The following EFHC2 variants were observed in gnomAD, a reference collection of about 807,000 sequenced individuals.
EFHC2 encodes EF-hand domain-containing family member C2.
EFHC2 carries 18 observed loss-of-function variants against 52.7 expected under a neutral mutation model. The observed-to-expected ratio is 0.34, with a 90% CI of 0.24 to 0.51. The LOEUF is 0.51. Ranked by LOEUF, EFHC2 falls within the 20% of genes least tolerant of loss-of-function variation. EFHC2 has a pLI of 0.97. For synonymous variants in EFHC2, 203 were observed against 204.1 expected (o/e 0.99, Z 0.04); for missense variants, 513 against 562.5 (o/e 0.91, Z 0.89).
At chrX:44,205,195 A>G (rs2037038749) in intron 11 of EFHC2, among the ~76,000 whole-genome samples, 1 of 111,520 alleles carries the variant, frequency 9.0e-6, no homozygotes, top group South Asian at 3.8e-4. Flanking sequence ...AGAAATATTT[A>G]AAGGAGTTCT....
intron 2 of EFHC2, among the ~76,000 whole-genome samples, chrX:44,305,840 T>C (rs1602208607): frequency 8.9e-6 from 1 of 112,357 alleles, no homozygotes; most frequent in African/African-American, 3.2e-5. Flanking sequence ...CTAGGAATTA[T>C]GTCCTAGTGT....
chrX:44,261,217 C>G lies in EFHC2; in HGVS notation c.464G>C (p.Gly155Ala), dbSNP rs1483091244. 8 of 1,209,681 alleles carry G rather than the reference C, an allele frequency of 6.6e-6. No individual in the cohort carries two copies. Among genetic ancestry groups the G allele is most frequent in the Non-Finnish European group, 7.8e-6 (7 of 895,050 alleles). The change falls in exon 4 of 15, where the codon GGC (glycine) becomes GCC (alanine). Residue 155 changes from glycine to alanine, a missense_variant. Coordinates refer to ENST00000420999, the MANE Select transcript of EFHC2 (RefSeq NM_025184.4). ...QFYTVYHFNV[G>A]TEVVFYGRTF... Reference sequence around the variant, plus strand: ...CCGGCCATAGAAGACAACCTCTGTGCCGACATTAAAATGATACACAGTATA... The same window carrying G: ...CCGGCCATAGAAGACAACCTCTGTGGCGACATTAAAATGATACACAGTATA...
chrX:44,236,023 T>C (rs974495643), intron 8 of EFHC2, among the ~76,000 whole-genome samples: 1 of 111,792 alleles, frequency 8.9e-6, no homozygotes, highest in African/African-American at 3.3e-5. Flanking sequence ...ACCCACCTTT[T>C]TTTTTTTTTA....
chrX:44,301,197 C>T (rs1213523510), intron 2 of EFHC2, among the ~76,000 whole-genome samples: 1 of 109,786 alleles, frequency 9.1e-6, no homozygotes, highest in East Asian at 2.9e-4. Flanking sequence ...TGGCACCACC[C>T]AGATTGACAA....
intron 14 of EFHC2, among the ~76,000 whole-genome samples, chrX:44,156,030 G>T (rs1446013360): frequency 8.9e-6 from 1 of 112,390 alleles, no homozygotes; most frequent in African/African-American, 3.2e-5. Flanking sequence ...TGTCATCTAT[G>T]TGTGAGTTGT....
intron 6 of EFHC2, 85 bp downstream of exon 6, chrX:44,248,718 A>G (rs2037419392): frequency 1.4e-6 from 1 of 736,281 alleles, no homozygotes; most frequent in East Asian, 3.4e-5. Context: ...ACAATCTCAC[A>G]AGAGAAGAGT....
intron 11 of EFHC2, among the ~76,000 whole-genome samples, chrX:44,190,622 T>G (rs1036383012): frequency 9.0e-6 from 1 of 111,320 alleles, no homozygotes; most frequent in African/African-American, 3.3e-5. Flanking sequence ...GCTTCTTGTC[T>G]TTTGCAATAC....
chrX:44,188,195 G>C (rs899144065), intron 11 of EFHC2, among the ~76,000 whole-genome samples: 1 of 108,001 alleles, frequency 9.3e-6, no homozygotes, highest in Non-Finnish European at 1.9e-5. Context: ...TTTTGCCCAG[G>C]CTGGTTTCAA....
intron 14 of EFHC2, among the ~76,000 whole-genome samples, chrX:44,151,817 G>GA (rs1453198090): frequency 9.0e-6 from 1 of 111,596 alleles, no homozygotes; most frequent in Non-Finnish European, 1.9e-5. Context: ...GGCTCAGAGG[G>GA]AAATTCTAAG....
chrX:44,316,113 C>A (rs1239476959), intron 1 of EFHC2, among the ~76,000 whole-genome samples: 1 of 111,703 alleles, frequency 9.0e-6, no homozygotes, highest in South Asian at 3.8e-4. Flanking sequence ...AAAGCCCTTG[C>A]CACCGTTGAA....
Position 44,259,372 on chromosome X carries a change from G to C in EFHC2, c.606+1703C>G, listed in dbSNP as rs972486194. Among the ~76,000 whole-genome samples, 16 of 107,022 alleles carry C rather than the reference G, an allele frequency of 1.5e-4. No homozygotes were observed. The Admixed American group carries it at 1.5e-3, about 10-fold the overall frequency. The allele number at this position is 107,022 out of a possible 115,157, so 92.9% of individuals were successfully genotyped here. A position where few individuals can be genotyped will look rare whatever the true frequency, so the allele number is the denominator to read the frequency against. ...TGAGAACACATGGACACAGGGAGGG[G>C]AACATCACACACCAGGGCCTGTCAG... On this transcript the variant is annotated intron_variant, in intron 4 of 14. Transcript: ENST00000420999.
intron 1 of EFHC2, among the ~76,000 whole-genome samples, chrX:44,325,592 G>A (rs1364903101): frequency 9.1e-6 from 1 of 109,600 alleles, no homozygotes; most frequent in East Asian, 2.9e-4. Context: ...GGCCGCTACA[G>A]AAACCGTAAA....
chrX:44,179,865 A>T (rs2036820180), intron 11 of EFHC2, among the ~76,000 whole-genome samples: 1 of 112,123 alleles, frequency 8.9e-6, no homozygotes, highest in African/African-American at 3.2e-5. Flanking sequence ...AAAGCCACAA[A>T]CTGGTAGGGC....
chrX:44,212,984 G>C (rs1420152155), intron 11 of EFHC2, among the ~76,000 whole-genome samples: 2 of 109,450 alleles, frequency 1.8e-5, no homozygotes, highest in African/African-American at 6.7e-5. Context: ...CAAAGTGCTG[G>C]GATTACAGGT....
intron 11 of EFHC2, among the ~76,000 whole-genome samples, chrX:44,207,300 C>T (rs2147299939): frequency 9.0e-6 from 1 of 111,563 alleles, no homozygotes; most frequent in East Asian, 2.8e-4. Context: ...TCACCTGAGG[C>T]CAGGAGTTCA....
intron 2 of EFHC2, chrX:44,310,465 G>A: frequency 1.4e-6 from 1 of 708,812 alleles, no homozygotes. Context: ...GCGGGACGCG[G>A]ACGGAGAGCA....
chrX:44,193,607 A>T (rs1214964826), intron 11 of EFHC2, among the ~76,000 whole-genome samples: 2 of 111,916 alleles, frequency 1.8e-5, no homozygotes. Flanking sequence ...CAACTTTACA[A>T]AGAGGTCTCT....
At chrX:44,196,210 C>T (rs889334081) in intron 11 of EFHC2, among the ~76,000 whole-genome samples, 1 of 111,829 alleles carries the variant, frequency 8.9e-6, no homozygotes, top group Non-Finnish European at 1.9e-5. Flanking sequence ...AGCCACCACA[C>T]CCAGCTTATA....
chrX:44,152,725 T>TACACACACACACAC (rs3037406), intron 14 of EFHC2, among the ~76,000 whole-genome samples: 1 of 99,413 alleles, frequency 1.0e-5, no homozygotes, highest in African/African-American at 3.7e-5. Flanking sequence ...AGTAAACCAT[T>TACACACACACACAC]ACACACACAC....
Sources: allele counts gnomAD v4.1 joint callset (sites outside exome capture counted in the v4.1 genomes callset), GRCh38; gene constraint gnomAD v4.1.1; transcripts MANE v1.5; gene names NCBI Gene and HGNC (gene_info 2026-07-23, HGNC 2026-07-21).